SECISBP2L: variants seen among roughly 807,000 people sequenced by gnomAD.
The protein encoded by SECISBP2L is SECIS binding protein 2 like.
Under a neutral mutation model 114.7 loss-of-function variants are expected in SECISBP2L, and 43 were observed. That is an observed-to-expected ratio of 0.38 (90% CI 0.29 to 0.48). SECISBP2L has a LOEUF of 0.48. Among genes scored for constraint, SECISBP2L ranks in the 20% least tolerant of loss-of-function variants. The pLI, the probability that SECISBP2L is intolerant of heterozygous loss-of-function variation, is 0.98. For missense variants in SECISBP2L, 1,136 were observed against 1,301.1 expected, an observed-to-expected ratio of 0.87 and a Z score of 1.95; for synonymous variants, 451 against 439.7, an observed-to-expected ratio of 1.03 and a Z score of -0.32.
chr15:49,017,701 T>C (rs1374736855), intron 8 of SECISBP2L, 73 bp from the exon 9 acceptor site: 6 of 1,016,074 alleles, frequency 5.9e-6, no homozygotes, highest in Non-Finnish European at 8.6e-6. Flanking sequence ...CTTAGAAGTA[T>C]TGAAAAATGA....
chr15:49,028,704 G>T, intron 4 of SECISBP2L, 22 bp from the exon 5 acceptor site: 3 of 1,581,450 alleles, frequency 1.9e-6, no homozygotes, highest in South Asian at 2.2e-5. Flanking sequence ...AGGAAAGTTT[G>T]ACAATTCTTT....
chr15:49,028,224 C>T (rs117292516), intron 5 of SECISBP2L, 56 bp from the exon 6 acceptor site: 22,756 of 1,440,842 alleles, frequency 0.016, 214 homozygotes, highest in Non-Finnish European at 0.019. Context: ...ACATTATGTA[C>T]TTTGCTAAAT....
intron 7 of SECISBP2L, among the ~76,000 whole-genome samples, chr15:49,019,879 T>C (rs1302347239): frequency 6.6e-6 from 1 of 152,170 alleles, no homozygotes; most frequent in Non-Finnish European, 1.5e-5. Context: ...ATCCAGATCA[T>C]AGTATAGAAG....
chr15:49,037,440 C>A (rs746779704), intron 2 of SECISBP2L, 151 bp downstream of exon 2: 2 of 647,996 alleles, frequency 3.1e-6, no homozygotes, highest in Non-Finnish European at 5.1e-6. Flanking sequence ...TAATCCATAT[C>A]AACAATTTCC....
In SECISBP2L at chr15:48,992,751, T is replaced by C. The variant is rs754118083; in HGVS notation, c.2799A>G (p.Thr933=). The part of the protein sequence containing the change: ...LVATGSTTSA[T]SAGKSTASDK... ...CACTTGCTGTGGATTTCCCAGCACT[T>C]GTAGCTGAGGTAGTACTGCCTGTAG... The change falls in exon 18 of 18, where the codon ACA becomes ACG. Residue 933 remains threonine, a synonymous_variant. Coordinates refer to ENST00000559471, the MANE Select transcript of SECISBP2L (RefSeq NM_001193489.2). 10 of 1,614,204 alleles carry C rather than the reference T, an allele frequency of 6.2e-6. No individual in the cohort carries two copies. In the South Asian group the frequency reaches 9.9e-5, roughly 16 times the overall value.
chr15:49,023,376 T>C (rs1001114888), intron 7 of SECISBP2L, among the ~76,000 whole-genome samples: 2 of 152,318 alleles, frequency 1.3e-5, no homozygotes, highest in Non-Finnish European at 2.9e-5. Context: ...CATTAAGACA[T>C]AATTTTTATC....
intron 14 of SECISBP2L, among the ~76,000 whole-genome samples, chr15:49,007,674 A>G (rs1044293471): frequency 3.9e-5 from 6 of 152,376 alleles, no homozygotes; most frequent in Middle Eastern, 3.4e-3. Flanking sequence ...AAACATAATG[A>G]TTTTGGTAAA....
intron 14 of SECISBP2L, among the ~76,000 whole-genome samples, chr15:49,001,310 TAG>T (rs1293120724): frequency 6.6e-6 from 1 of 152,234 alleles, no homozygotes; most frequent in Non-Finnish European, 1.5e-5. Context: ...GCATTTCAAA[TAG>T]ATTTTTTTAA....
At position 48,990,768 on chromosome 15, in the gene SECISBP2L, C is replaced by T. The variant is rs944680087; in HGVS notation, c.*1476G>A. Reference sequence around the variant, plus strand: ...AGATAATCAGGGCAGGGATAATACCCCTTCCTTCTCAGTTTTGTGCCTGCT... The same window carrying T: ...AGATAATCAGGGCAGGGATAATACCTCTTCCTTCTCAGTTTTGTGCCTGCT... On this transcript the variant is annotated 3_prime_UTR_variant, in exon 18 of 18. Transcript: ENST00000559471. 2 of 150,604 alleles carry T rather than the reference C, an allele frequency of 1.3e-5. No individual in the cohort carries two copies. Among genetic ancestry groups the T allele is most frequent in the African/African-American group, 4.9e-5 (2 of 40,692 alleles). The allele number at this position is 150,604 out of a possible 1,614,324, so 9.3% of individuals were successfully genotyped here. A position where few individuals can be genotyped will look rare whatever the true frequency, so the allele number is the denominator to read the frequency against.
chr15:48,992,355 A>G lies in SECISBP2L; in HGVS notation c.3195T>C (p.Ser1065=). Residue 1065 remains serine, a synonymous_variant, in exon 18 of 18, where the codon AGT becomes AGC. Transcript: ENST00000559471. ...CCTGCTGGTCAGCAGTCCATGCCTC[A>G]CTGTCCATCCCTGGCTCCAGCACCT... The part of the protein sequence containing the change: ...APEVLEPGMD[S]EAWTADQQAS... 4 of 1,614,092 alleles carry G rather than the reference A, an allele frequency of 2.5e-6. No homozygotes were observed. Among genetic ancestry groups the G allele is most frequent in the Non-Finnish European group, 3.4e-6 (4 of 1,180,024 alleles).
At chr15:49,017,449 G>T in intron 9 of SECISBP2L, 99 bp downstream of exon 9, 2 of 758,912 alleles carry the variant, frequency 2.6e-6, no homozygotes, top group Non-Finnish European at 4.4e-6. Context: ...ACACTCTGCT[G>T]CTCCATGTGC....
chr15:49,021,055 G>C (rs1902631924), intron 7 of SECISBP2L, among the ~76,000 whole-genome samples: 1 of 151,838 alleles, frequency 6.6e-6, no homozygotes, highest in Non-Finnish European at 1.5e-5. Context: ...TTGAAAGTGC[G>C]GCCTTTGGGA....
At chr15:49,000,819 T>C (rs1446515281) in intron 15 of SECISBP2L, 58 bp downstream of exon 15, 1 of 1,366,436 alleles carries the variant, frequency 7.3e-7, no homozygotes. Flanking sequence ...CTACTTTATA[T>C]TCACTGTATA....
chr15:49,036,229 G>A (rs949580538), intron 2 of SECISBP2L, among the ~76,000 whole-genome samples: 1 of 152,202 alleles, frequency 6.6e-6, no homozygotes, highest in Non-Finnish European at 1.5e-5. Flanking sequence ...CCAAGGGAAA[G>A]AAGAGAAGAG....
chr15:49,033,038 C>T lies in SECISBP2L; in HGVS notation c.591G>A (p.Gln197=). ...KRPLVKNVAT[Q]KETNAAGPDS... The stretch of plus-strand genomic sequence containing the variant: ...CAGGACCTGCTGCATTTGTTTCTTT[C>T]TGAGTAGCTACATTTTTCACCAGCG... Residue 197 remains glutamine (Q), a synonymous_variant, in exon 4 of 18, where the codon CAG becomes CAA. Coordinates refer to ENST00000559471, the MANE Select transcript of SECISBP2L (RefSeq NM_001193489.2). 1 of 1,614,060 alleles carries T rather than the reference C, an allele frequency of 6.2e-7. No individual in the cohort carries two copies. The highest frequency in any genetic ancestry group is 8.5e-7 in the Non-Finnish European group (1 of 1,179,982).
At chr15:49,032,796 A>G (rs1459948176) in intron 4 of SECISBP2L, among the ~76,000 whole-genome samples, 169 bp downstream of exon 4, 3 of 152,254 alleles carry the variant, frequency 2.0e-5, no homozygotes, top group Non-Finnish European at 4.4e-5. Flanking sequence ...TTGAAAGAAC[A>G]TTAAGGACAC....
At chr15:49,016,060 T>C (rs1357650404) in intron 11 of SECISBP2L, among the ~76,000 whole-genome samples, 2 of 152,182 alleles carry the variant, frequency 1.3e-5, no homozygotes, top group Non-Finnish European at 2.9e-5. Flanking sequence ...AAAAAGGTAA[T>C]AGGGTCAGCT....
chr15:49,039,444 C>T (rs1432156457), intron 1 of SECISBP2L, among the ~76,000 whole-genome samples: 1 of 151,218 alleles, frequency 6.6e-6, no homozygotes, highest in Non-Finnish European at 1.5e-5. Flanking sequence ...ATACAGTTCA[C>T]ACATACATGC....
Position 49,028,589 on chromosome 15 carries a change from G to A in SECISBP2L, c.758C>T (p.Pro253Leu), listed in dbSNP as rs1566860593. 5 of 1,614,016 alleles carry A rather than the reference G, an allele frequency of 3.1e-6. No individual in the cohort carries two copies. Among genetic ancestry groups the A allele is most frequent in the Non-Finnish European group, 2.5e-6 (3 of 1,180,012 alleles). Residue 253 changes from proline (P) to leucine (L), a missense_variant, in exon 5 of 18, where the codon CCT (proline) becomes CTT (leucine). Coordinates refer to ENST00000559471, the MANE Select transcript of SECISBP2L (RefSeq NM_001193489.2). ...CTGCTCACTAGAAGATTCAGCAGTA[G>A]GGTGGGATGCTCTTCTTCTCCTGCC... ...SKGRRRRASH[P>L]TAESSSEQGA...
Sources: gnomAD v4.1 joint callset for allele counts (sites outside exome capture counted in the v4.1 genomes callset) on GRCh38, gnomAD v4.1.1 for gene constraint, MANE v1.5 for transcripts, NCBI Gene and HGNC (gene_info 2026-07-23, HGNC 2026-07-21) for gene names.